Variants in DNAH14 observed in about 807,000 individuals in gnomAD.
DNAH14 encodes the protein dynein axonemal heavy chain 14.
A neutral mutation model predicts 520.9 loss-of-function variants in DNAH14; 478 were observed. The ratio of observed to expected loss-of-function variants is 0.92; its 90% CI spans 0.85 to 0.99. DNAH14 has a LOEUF of 0.99. Among genes scored for constraint, DNAH14 ranks in the 50% least tolerant of loss-of-function variants. The pLI is 0.00. For missense variants in DNAH14, 4,831 were observed against 5,234.5 expected, an observed-to-expected ratio of 0.92 and a Z score of 2.38; for synonymous variants, 1,581 against 1,757.2, an observed-to-expected ratio of 0.90 and a Z score of 2.51.
intron 15 of DNAH14, among the ~76,000 whole-genome samples, chr1:225,046,935 C>T (rs770396809): frequency 4.6e-5 from 7 of 152,044 alleles, no homozygotes; most frequent in East Asian, 1.9e-4. Flanking sequence ...CCTTAGTTTC[C>T]GTCACCTCAA....
At chr1:225,143,656 C>G (rs2079649476) in intron 28 of DNAH14, among the ~76,000 whole-genome samples, 1 of 151,982 alleles carries the variant, frequency 6.6e-6, no homozygotes, top group Non-Finnish European at 1.5e-5. Context: ...AATTCAAAAT[C>G]AAAACAGCAC....
chr1:225,327,735 A>G (rs2094707390), intron 64 of DNAH14, among the ~76,000 whole-genome samples: 1 of 152,070 alleles, frequency 6.6e-6, no homozygotes, highest in Non-Finnish European at 1.5e-5. Flanking sequence ...GTAGAGATAA[A>G]CAAAATAGAG....
At chr1:225,324,619 G>T in intron 63 of DNAH14, 118 bp from the exon 64 acceptor site, 1 of 1,033,812 alleles carries the variant, frequency 9.7e-7, no homozygotes. Flanking sequence ...TATACATATA[G>T]TTCTAGGAAA....
At chr1:225,245,900 G>A (rs1216942889) in intron 43 of DNAH14, among the ~76,000 whole-genome samples, 5 of 151,904 alleles carry the variant, frequency 3.3e-5, no homozygotes, top group Non-Finnish European at 5.9e-5. Context: ...AACCAAAAAA[G>A]AACCCATATA....
Position 225,303,242 on chromosome 1 carries a change from G to A in DNAH14, c.8718G>A (p.Met2906Ile). ...FRQNCRVYPS[M>I]ISSCTIDWYE... ...AAAATTGTAGAGTGTATCCTTCTAT[G>A]ATTAGCTCCTGCACGATCGATTGGT... Residue 2906 changes from methionine (M) to isoleucine (I), a missense_variant, in exon 57 of 86, where the codon ATG becomes ATA. Physicochemically the swap from Met to Ile is conservative, Grantham distance 10. Transcript: ENST00000682510. 1 of 1,551,480 alleles carries A rather than the reference G, an allele frequency of 6.4e-7. No homozygotes were observed. Among genetic ancestry groups the A allele is most frequent in the East Asian group, 2.4e-5 (1 of 40,914 alleles).
rs1357633806 is a variant in DNAH14 at position 225,380,186 on chromosome 1, G to A, written c.12744G>A (p.Val4248=). Residue 4248 remains valine (V), a synonymous_variant, in exon 80 of 86, where the codon GTG becomes GTA. Transcript: ENST00000682510. ...CTGAGCAGAGTAAGGATGAACTGGTGATGGAAATTCTATCCGACTTGCTAA... is the reference window on the plus strand; with the variant it reads ...CTGAGCAGAGTAAGGATGAACTGGTAATGGAAATTCTATCCGACTTGCTAA... The part of the protein sequence containing the change: ...IRPEQSKDEL[V]MEILSDLLKR... 2.6e-6 allele frequency: 4 copies of A among 1,551,610 alleles called. No individual in the cohort carries two copies. Among genetic ancestry groups the A allele is most frequent in the Non-Finnish European group, 1.7e-6 (2 of 1,146,974 alleles).
chr1:225,207,599 A>G (rs1446671418), intron 41 of DNAH14, among the ~76,000 whole-genome samples: 1 of 152,206 alleles, frequency 6.6e-6, no homozygotes, highest in Non-Finnish European at 1.5e-5. Context: ...AGTAAAACAT[A>G]TGTAAGGAGG....
chr1:225,282,231 C>G (rs936778334), intron 54 of DNAH14, among the ~76,000 whole-genome samples: 4 of 152,206 alleles, frequency 2.6e-5, no homozygotes, highest in Admixed American at 1.3e-4. Flanking sequence ...GAAAGCAGAC[C>G]TGCAGGAGGT....
At chr1:225,002,635 A>G (rs2063851607) in intron 8 of DNAH14, 148 bp from the exon 9 acceptor site, 2 of 791,438 alleles carry the variant, frequency 2.5e-6, no homozygotes, top group East Asian at 2.8e-5. Context: ...CACAACCCCT[A>G]ATGCTTACTA....
chr1:224,961,794 T>C (rs753371152), intron 4 of DNAH14, among the ~76,000 whole-genome samples: 5 of 152,152 alleles, frequency 3.3e-5, no homozygotes, highest in South Asian at 4.1e-4. Flanking sequence ...GCAACAAATG[T>C]TGCTGTACAT....
chr1:224,937,206 A>G (rs561508861), intron 1 of DNAH14, among the ~76,000 whole-genome samples: 2 of 152,172 alleles, frequency 1.3e-5, no homozygotes, highest in East Asian at 3.9e-4. Context: ...AGTCTTGGCC[A>G]GAGCAACTAA....
At chr1:225,256,886 G>A (rs923672371) in intron 44 of DNAH14, among the ~76,000 whole-genome samples, 1 of 151,802 alleles carries the variant, frequency 6.6e-6, no homozygotes, top group Non-Finnish European at 1.5e-5. Flanking sequence ...AAAAGACCAG[G>A]AGCCCATTTG....
intron 61 of DNAH14, among the ~76,000 whole-genome samples, chr1:225,319,022 A>G (rs1002216054): frequency 2.0e-5 from 3 of 152,228 alleles, no homozygotes; most frequent in Non-Finnish European, 4.4e-5. Flanking sequence ...ACAAAATACA[A>G]TATTACCTGG....
intron 60 of DNAH14, among the ~76,000 whole-genome samples, chr1:225,316,648 C>T (rs1174901275): frequency 6.6e-6 from 1 of 152,172 alleles, no homozygotes; most frequent in South Asian, 2.1e-4. Flanking sequence ...GGTGATGCCC[C>T]ACCCTGCTTC....
intron 58 of DNAH14, among the ~76,000 whole-genome samples, chr1:225,307,072 G>T (rs2094260944): frequency 1.3e-5 from 2 of 152,118 alleles, no homozygotes; most frequent in African/African-American, 4.8e-5. Flanking sequence ...TACATTTAAA[G>T]CCCAATTTGC....
intron 41 of DNAH14, among the ~76,000 whole-genome samples, chr1:225,228,442 A>G (rs2090760942): frequency 6.6e-6 from 1 of 151,776 alleles, no homozygotes; most frequent in Admixed American, 6.6e-5. Flanking sequence ...TGTAGTTGGG[A>G]TGAGGTGAAA....
chr1:224,976,128 G>T, intron 8 of DNAH14, among the ~76,000 whole-genome samples: 2 of 151,760 alleles, frequency 1.3e-5, no homozygotes, highest in African/African-American at 4.9e-5. Flanking sequence ...CATTTGCTGA[G>T]GAGAGCTTTA....
At chr1:225,145,808 GATA>G (rs2079878376) in intron 30 of DNAH14, among the ~76,000 whole-genome samples, 6 of 152,232 alleles carry the variant, frequency 3.9e-5, no homozygotes, top group Admixed American at 3.9e-4. Flanking sequence ...TGTTTATATA[GATA>G]ATGATTACAA....
At chr1:225,252,594 A>G (rs1050631547) in intron 44 of DNAH14, among the ~76,000 whole-genome samples, 177 bp downstream of exon 44, 2 of 152,204 alleles carry the variant, frequency 1.3e-5, no homozygotes, top group Non-Finnish European at 2.9e-5. Context: ...CTTTAAAAAC[A>G]TAACCTTTGA....
Sources: allele counts gnomAD v4.1 joint callset (sites outside exome capture counted in the v4.1 genomes callset), GRCh38; gene constraint gnomAD v4.1.1; transcripts MANE v1.5; gene names NCBI Gene and HGNC (gene_info 2026-07-23, HGNC 2026-07-21).